Variants in TOP2A observed in about 807,000 individuals in gnomAD.
TOP2A encodes the protein DNA topoisomerase II alpha.
TOP2A carries 68 observed loss-of-function variants against 187.2 expected under a neutral mutation model. The ratio of observed to expected loss-of-function variants is 0.36; its 90% CI spans 0.30 to 0.44. TOP2A has a LOEUF of 0.44. Ranked by LOEUF, TOP2A falls within the 20% of genes least tolerant of loss-of-function variation. TOP2A has a pLI of 1.00. For missense variants in TOP2A, 1,196 were observed against 1,808.7 expected (o/e 0.66, Z 6.14); for synonymous variants, 542 against 593.2 (o/e 0.91, Z 1.25).
chr17:40,401,330 C>T (rs931025075), intron 20 of TOP2A, among the ~76,000 whole-genome samples: 2 of 152,022 alleles, frequency 1.3e-5, no homozygotes, highest in Non-Finnish European at 2.9e-5. Flanking sequence ...GTGGGATAAA[C>T]AAGAGAAGAA....
rs189681335 is a variant in TOP2A, at chr17:40,412,465, G to A, written c.789+294C>T. ...TCGAGACCAGCCTGGCCAACATAGTGAAACCTGTCTCTACTAAAAATACAA... is the reference window on the plus strand; with the variant it reads ...TCGAGACCAGCCTGGCCAACATAGTAAAACCTGTCTCTACTAAAAATACAA... On this transcript the variant is annotated intron_variant, in intron 7 of 34. Transcript: ENST00000423485. 2.6e-4 allele frequency among the ~76,000 whole-genome samples: 40 copies of A among 152,256 alleles called. No homozygotes were observed. The South Asian group carries it at 7.9e-3, about 30-fold the overall frequency.
At chr17:40,416,663 C>G in intron 2 of TOP2A, 77 bp downstream of exon 2, 1 of 1,539,336 alleles carries the variant, frequency 6.5e-7, no homozygotes, top group Non-Finnish European at 8.9e-7. Flanking sequence ...AGGTCACACT[C>G]AGTACATGAA....
intron 22 of TOP2A, 56 bp from the exon 23 acceptor site, chr17:40,400,465 A>G: frequency 6.2e-7 from 1 of 1,603,644 alleles, no homozygotes. Context: ...AATAGTCAAC[A>G]GCAATAGTAC....
At position 40,391,480 on chromosome 17, in the gene TOP2A, A is replaced by C. The variant is rs766221906; in HGVS notation, c.4267+26T>G. On this transcript the variant is annotated intron_variant, in intron 33 of 34. Coordinates refer to ENST00000423485, the MANE Select transcript of TOP2A (RefSeq NM_001067.4). ...AAACCAGTTAGGTAATTGCAACATT[A>C]ACCCATCTCAAAGATTTAGGCTTAC... The C allele has an allele frequency of 4.4e-6, 7 of 1,598,084 alleles. No homozygotes were observed. In the South Asian group the frequency reaches 8.0e-5, roughly 18 times the overall value.
At chr17:40,398,136 C>T (rs1461020829) in intron 27 of TOP2A, among the ~76,000 whole-genome samples, 10 of 111,778 alleles carry the variant, frequency 8.9e-5, no homozygotes, top group Middle Eastern at 8.1e-3. Context: ...TTTTTTGAGA[C>T]GGAGTCTTGC....
Position 40,406,510 on chromosome 17 carries a change from A to G in TOP2A, c.1844-17T>C. 1 of 1,612,088 alleles carries G rather than the reference A, an allele frequency of 6.2e-7. No individual in the cohort carries two copies. Among genetic ancestry groups the G allele is most frequent in the Non-Finnish European group, 8.5e-7 (1 of 1,178,528 alleles). On this transcript the variant is annotated splice_polypyrimidine_tract_variant and intron_variant, in intron 15 of 34. Coordinates refer to ENST00000423485, the MANE Select transcript of TOP2A (RefSeq NM_001067.4). ...TGCCCAAACCTATAAAACCAAAAAT[A>G]CCAAGTTCCTTCATATAGTCTTGTA...
rs1021428865 is a variant in TOP2A, at chr17:40,389,560, T to C, written c.4555A>G (p.Ile1519Val). The C allele has an allele frequency of 3.1e-6, 5 of 1,600,282 alleles. No individual in the cohort carries two copies. The highest frequency in any genetic ancestry group is 3.4e-6 in the Non-Finnish European group (4 of 1,172,720). Reference protein sequence around the residue: ...RAKSVRAKKPIKYLEESDEDD... With the variant: ...RAKSVRAKKPVKYLEESDEDD... ...TCATCTGACTCTTCCAGGTACTTTA[T>C]AGGTTTCTTTGCCCGTACAGATTTT... Residue 1519 changes from isoleucine (I) to valine (V), a missense_variant, in exon 35 of 35, where the codon ATA becomes GTA. Around this residue, in one of 10 missense-constraint regions of TOP2A, gnomAD observed 374 missense variants for 403.3 expected, o/e 0.93. Transcript: ENST00000423485.
At chr17:40,406,971 A>G (rs1336843725) in intron 13 of TOP2A, 29 bp from the exon 14 acceptor site, 1 of 1,525,926 alleles carries the variant, frequency 6.6e-7, no homozygotes, top group Non-Finnish European at 8.9e-7. Context: ...CAAAGTTCAA[A>G]AGAACTGTTA....
intron 20 of TOP2A, 121 bp from the exon 21 acceptor site, chr17:40,401,202 C>T (rs2035176439): frequency 1.2e-6 from 1 of 806,436 alleles, no homozygotes; most frequent in South Asian, 1.8e-5. Flanking sequence ...GACTAATATA[C>T]ATTTAACAAT....
chr17:40,407,393 T>C (rs1170372562), intron 13 of TOP2A, among the ~76,000 whole-genome samples, 156 bp downstream of exon 13: 1 of 152,206 alleles, frequency 6.6e-6, no homozygotes, highest in Non-Finnish European at 1.5e-5. Flanking sequence ...ATTTGCAACA[T>C]ACATATGATA....
At chr17:40,390,610 T>C (rs1000277681) in intron 33 of TOP2A, among the ~76,000 whole-genome samples, 1 of 151,836 alleles carries the variant, frequency 6.6e-6, no homozygotes, top group Admixed American at 6.6e-5. Flanking sequence ...AATCAAAGTA[T>C]TCTTAAACAT....
At position 40,400,882 on chromosome 17, in the gene TOP2A, G is replaced by A. The variant is rs371274856; in HGVS notation, c.2632C>T (p.Arg878Cys). ...DVREIVNNIR[R>C]LMDGEEPLPM... Reference sequence around the variant, plus strand: ...AAAGGTTCTTCTCCATCCATCAAACGCCTGATGTTATTTACAATTTCACGC... The same window carrying A: ...AAAGGTTCTTCTCCATCCATCAAACACCTGATGTTATTTACAATTTCACGC... Residue 878 changes from arginine (R) to cysteine (C), a missense_variant, in exon 21 of 35, where the codon CGT becomes TGT. By Grantham distance (180) the Arg-to-Cys change is radical (BLOSUM62 -3). Around this residue, in one of 10 missense-constraint regions of TOP2A, gnomAD observed 232 missense variants for 306.1 expected, o/e 0.76. Coordinates refer to ENST00000423485, the MANE Select transcript of TOP2A (RefSeq NM_001067.4). 10 of 1,613,836 alleles carry A rather than the reference G, an allele frequency of 6.2e-6. No homozygotes were observed. Among genetic ancestry groups the A allele is most frequent in the Middle Eastern group, 1.6e-4 (1 of 6,062 alleles).
chr17:40,413,916 C>T (rs111975659), intron 4 of TOP2A, among the ~76,000 whole-genome samples: 3,013 of 152,070 alleles, frequency 0.02, 35 homozygotes, highest in Middle Eastern at 0.037. Context: ...GAGAACTGCT[C>T]AAAGTGTTGG....
At chr17:40,416,292 G>GC (rs2035389224) in intron 3 of TOP2A, 130 bp downstream of exon 3, 6 of 739,366 alleles carry the variant, frequency 8.1e-6, no homozygotes, top group Non-Finnish European at 1.3e-5. Context: ...AATGACAGGA[G>GC]CCCTGGCTAC....
chr17:40,409,891 C>T (rs2035300164), intron 10 of TOP2A: 1 of 164,892 alleles, frequency 6.1e-6, no homozygotes, highest in African/African-American at 2.4e-5. Context: ...ACCAGCCTGA[C>T]CAACATGGTG....
intron 17 of TOP2A, 136 bp from the exon 18 acceptor site, chr17:40,404,627 A>G (rs2035217115): frequency 2.8e-6 from 2 of 709,370 alleles, no homozygotes; most frequent in Non-Finnish European, 2.4e-6. Context: ...TAATACAGAA[A>G]TATTTTATAT....
Position 40,408,027 on chromosome 17 carries a change from T to C in TOP2A, c.1440A>G (p.Lys480=), listed in dbSNP as rs761140038. ...TTCCTCTAAGAGGGAAAACCCCATA[T>C]TTGTCTCTCCCAACCACACCAAGGC... is the stretch of plus-strand genomic sequence containing the variant. ...VSGLGVVGRD[K]YGVFPLRGKI... The change falls in exon 12 of 35, where the codon AAA becomes AAG. Residue 480 remains lysine (K), a synonymous_variant. Transcript: ENST00000423485. 1 of 1,613,694 alleles carries C rather than the reference T, an allele frequency of 6.2e-7. No homozygotes were observed. The highest frequency in any genetic ancestry group is 8.5e-7 in the Non-Finnish European group (1 of 1,179,724).
In TOP2A at chr17:40,411,836, G is replaced by A. The variant is rs771113170; in HGVS notation, c.790-18C>T. The A allele has an allele frequency of 3.6e-5, 56 of 1,556,618 alleles. No individual in the cohort carries two copies. In the Middle Eastern group the frequency reaches 6.9e-4, roughly 19 times the overall value. On this transcript the variant is annotated intron_variant, in intron 7 of 34. Coordinates refer to ENST00000423485, the MANE Select transcript of TOP2A (RefSeq NM_001067.4). The surrounding 1 kb of genome is among the most constrained non-coding windows in gnomAD (Gnocchi z 4.4). ...CCTTTTACCTGTACAGGAATTAAAG[G>A]TAACAGTATTAAGAAAGTTATTAAA...
chr17:40,407,782 T>C, intron 12 of TOP2A, 108 bp from the exon 13 acceptor site: 1 of 1,230,800 alleles, frequency 8.1e-7, no homozygotes. Context: ...TATTTTGAGC[T>C]ATTAGCTTAT....
Sources: gnomAD v4.1 joint callset for allele counts (sites outside exome capture counted in the v4.1 genomes callset) on GRCh38, gnomAD v4.1.1 for gene constraint, gnomAD v4.1.1 regional missense constraint, Gnocchi (gnomAD v3.1) non-coding constraint, MANE v1.5 for transcripts, NCBI Gene and HGNC (gene_info 2026-07-23, HGNC 2026-07-21) for gene names.